LRRC71: variants seen among roughly 807,000 people sequenced by gnomAD.
The protein encoded by LRRC71 is leucine-rich repeat-containing protein 71.
A neutral mutation model predicts 66.6 loss-of-function variants in LRRC71; 54 were observed. The observed-to-expected ratio is 0.81, with a 90% CI of 0.65 to 1.02. The LOEUF (loss-of-function observed/expected upper bound fraction) is 1.02. Among genes scored for constraint, LRRC71 ranks in the 50% least tolerant of loss-of-function variants. The pLI, the probability that LRRC71 is intolerant of heterozygous loss-of-function variation, is 0.00. For missense variants in LRRC71, 724 were observed against 718.0 expected (o/e 1.01, Z -0.10); for synonymous variants, 323 against 303.9 (o/e 1.06, Z -0.65).
chr1:156,921,656 A>G (rs2101585448), intron 1 of LRRC71: 3 of 984,158 alleles, frequency 3.0e-6, no homozygotes, highest in Non-Finnish European at 3.6e-6. Context: ...CATCTTCTGG[A>G]AGGGAAGACA....
chr1:156,928,512 CTCT>C (rs1159425412), intron 9 of LRRC71, among the ~76,000 whole-genome samples: 1,889 of 137,100 alleles, frequency 0.014, 62 homozygotes, highest in African/African-American at 0.056. Flanking sequence ...CCTCCTCCTC[CTCT>C]TCCTCTTCCT....
intron 14 of LRRC71, 39 bp downstream of exon 14, chr1:156,932,584 G>T (rs1557797313): frequency 6.2e-7 from 1 of 1,613,930 alleles, no homozygotes; most frequent in Non-Finnish European, 8.5e-7. Flanking sequence ...AGCAGACGTT[G>T]CCCCTATCAG....
At chr1:156,928,333 TTTC>T (rs1329092317) in intron 9 of LRRC71, among the ~76,000 whole-genome samples, 1 of 145,410 alleles carries the variant, frequency 6.9e-6, no homozygotes, top group African/African-American at 2.5e-5. Context: ...TTCTTTCTTT[TTTC>T]TTTCTTCTTT....
intron 9 of LRRC71, among the ~76,000 whole-genome samples, chr1:156,928,251 C>T (rs1653543516): frequency 6.6e-6 from 1 of 152,234 alleles, no homozygotes; most frequent in Admixed American, 6.5e-5. Context: ...TTGAGACCAC[C>T]TGGACCTGAA....
rs766058530 is a variant in LRRC71, at chr1:156,920,812, C to A, written c.9C>A (p.Ser3Arg). Residue 3 changes from serine to arginine, a missense_variant, in exon 1 of 15, where the codon AGC (serine) becomes AGA (arginine). By Grantham distance (110) the Ser-to-Arg change is moderately radical (BLOSUM62 -1). Transcript: ENST00000337428. This position sits in a 1 kb window ranked among gnomAD's most constrained non-coding sequence, Gnocchi z 4.9. The part of the protein sequence containing the change: MS[S>R]EQSAPGASPR... The stretch of plus-strand genomic sequence containing the variant: ...CTGCGGACAACACCAGCATGTCGAG[C>A]GAGCAGAGCGCGCCGGGGGCCTCAC... 6.6e-6 allele frequency: 10 copies of A among 1,523,374 alleles called. No individual in the cohort carries two copies. The African/African-American group carries it at 9.8e-5, about 15-fold the overall frequency. 94.4% of individuals were successfully genotyped at this position (1,523,374 alleles called of 1,614,324 possible). A position where few individuals can be genotyped will look rare whatever the true frequency, so the allele number is the denominator to read the frequency against.
the LRRC71 span, chr1:156,939,374 T>A: frequency 1.2e-6 from 1 of 845,390 alleles, no homozygotes; most frequent in East Asian, 2.5e-5. Context: ...ATCTCGAATG[T>A]CCAACTCCAA....
downstream of LRRC71, among the ~76,000 whole-genome samples, chr1:156,933,586 A>T (rs1317474536): frequency 6.6e-6 from 1 of 152,250 alleles, no homozygotes; most frequent in African/African-American, 2.4e-5. Flanking sequence ...ACATCTACAT[A>T]GCAAAGGCTA....
the LRRC71 span, chr1:156,939,536 CATTT>C: frequency 1.7e-5 from 28 of 1,608,558 alleles, no homozygotes; most frequent in Non-Finnish European, 2.3e-5. Flanking sequence ...TGGACACTCC[CATTT>C]ATTTTACCTT....
intron 11 of LRRC71, 42 bp downstream of exon 11, chr1:156,929,771 G>A: frequency 6.6e-7 from 1 of 1,512,384 alleles, no homozygotes; most frequent in Non-Finnish European, 9.0e-7. Flanking sequence ...CTGTGTGGAG[G>A]AGGGAAGAGT....
At chr1:156,940,819 T>G in the LRRC71 span, among the ~76,000 whole-genome samples, 21 of 152,052 alleles carry the variant, frequency 1.4e-4, no homozygotes, top group African/African-American at 4.8e-4. Flanking sequence ...GAAGGAGGTG[T>G]GGCGTTAGGA....
At chr1:156,938,696 A>G in the LRRC71 span, 56 of 512,674 alleles carry the variant, frequency 1.1e-4, no homozygotes, top group Middle Eastern at 1.4e-3. Flanking sequence ...CTTTCCACCA[A>G]TTCACCGAGA....
intron 12 of LRRC71, among the ~76,000 whole-genome samples, chr1:156,930,917 A>G (rs1207385685): frequency 2.0e-5 from 3 of 152,176 alleles, no homozygotes; most frequent in African/African-American, 7.2e-5. Flanking sequence ...CCAGAGGCCC[A>G]GAGGCACAGA....
chr1:156,929,293 G>C lies in LRRC71; in HGVS notation c.1010G>C (p.Arg337Pro), dbSNP rs755189599. 5.6e-6 allele frequency: 9 copies of C among 1,605,192 alleles called. No homozygotes were observed. The highest frequency in any genetic ancestry group is 7.7e-6 in the Non-Finnish European group (9 of 1,175,738). The change falls in exon 10 of 15, where the codon CGA (arginine) becomes CCA (proline). Residue 337 changes from arginine to proline, a missense_variant. Physicochemically the swap from Arg to Pro is moderately radical, Grantham distance 103. Coordinates refer to ENST00000337428, the MANE Select transcript of LRRC71 (RefSeq NM_144702.3). ...QERSRSPSSS[R>P]HGDSKTDREK... ...TTGTGAGCACAGCCCTCCTCCTCTC[G>C]ACACGGGGACTCCAAAACGGACCGT...
chr1:156,940,086 ATC>A, the LRRC71 span: 2 of 1,404,738 alleles, frequency 1.4e-6, no homozygotes. Flanking sequence ...CTCCGCATCC[ATC>A]TCTCCTCAAG....
chr1:156,920,831 G>A lies in LRRC71; in HGVS notation c.28G>A (p.Ala10Thr), dbSNP rs1454785352. 7.8e-6 allele frequency: 12 copies of A among 1,532,098 alleles called. No individual in the cohort carries two copies. In the African/African-American group the frequency reaches 1.5e-4, roughly 19 times the overall value. 94.9% of individuals were successfully genotyped at this position (1,532,098 alleles called of 1,614,324 possible). A position where few individuals can be genotyped will look rare whatever the true frequency, so the allele number is the denominator to read the frequency against. The stretch of plus-strand genomic sequence containing the variant: ...GTCGAGCGAGCAGAGCGCGCCGGGG[G>A]CCTCACCCAGGGCCCCGCGTCCGGG... MSSEQSAPG[A>T]SPRAPRPGTQ... Residue 10 changes from alanine (A) to threonine (T), a missense_variant, in exon 1 of 15, where the codon GCC (alanine) becomes ACC (threonine). Physicochemically the swap from Ala to Thr is moderately conservative, Grantham distance 58 (BLOSUM62 0). Transcript: ENST00000337428. The surrounding 1 kb of genome is among the most constrained non-coding windows in gnomAD (Gnocchi z 4.9).
At chr1:156,930,681 G>A (rs771261079) in intron 12 of LRRC71, 64 bp downstream of exon 12, 105 of 1,432,508 alleles carry the variant, frequency 7.3e-5, no homozygotes, top group Non-Finnish European at 8.9e-5. Flanking sequence ...TGCCTGAGAC[G>A]TCTCACCCCA....
rs767609864 is a variant in LRRC71 at position 156,929,297 on chromosome 1, C to T, written c.1014C>T (p.His338=). 6.8e-6 allele frequency: 11 copies of T among 1,606,822 alleles called. No individual in the cohort carries two copies. The highest frequency in any genetic ancestry group is 2.7e-5 in the African/African-American group (2 of 74,780). The part of the protein sequence containing the change: ...ERSRSPSSSR[H]GDSKTDREKS... ...GAGCACAGCCCTCCTCCTCTCGACACGGGGACTCCAAAACGGACCGTGAGA... is the reference window on the plus strand; with the variant it reads ...GAGCACAGCCCTCCTCCTCTCGACATGGGGACTCCAAAACGGACCGTGAGA... Residue 338 remains histidine, a synonymous_variant, in exon 10 of 15, where the codon CAC becomes CAT. Coordinates refer to ENST00000337428, the MANE Select transcript of LRRC71 (RefSeq NM_144702.3).
In LRRC71 at chr1:156,927,788, A is replaced by G. The variant is rs377089223; in HGVS notation, c.878A>G (p.Gln293Arg). The G allele has an allele frequency of 3.0e-5, 48 of 1,612,872 alleles. No homozygotes were observed. Among genetic ancestry groups the G allele is most frequent in the Non-Finnish European group, 3.6e-5 (42 of 1,179,734 alleles). ...LWLSLAHNRIQDKGALKLAEV... is the reference protein window; with the variant it reads ...LWLSLAHNRIRDKGALKLAEV... ...CTGTCCCTGGCCCACAACCGCATCC[A>G]GGACAAGGGCGCCCTGAAGCTGGCT... The change falls in exon 8 of 15, where the codon CAG (glutamine) becomes CGG (arginine). Residue 293 changes from glutamine (Q) to arginine (R), a missense_variant. Transcript: ENST00000337428.
chr1:156,939,389 T>C, the LRRC71 span: 5 of 976,880 alleles, frequency 5.1e-6, no homozygotes, highest in South Asian at 1.6e-5. Flanking sequence ...CTCCAAAGCC[T>C]GCCTGATATC....
Sources: allele counts gnomAD v4.1 joint callset (sites outside exome capture counted in the v4.1 genomes callset), GRCh38; gene constraint gnomAD v4.1.1; non-coding constraint Gnocchi (gnomAD v3.1); transcripts MANE v1.5; gene names NCBI Gene and HGNC (gene_info 2026-07-23, HGNC 2026-07-21).